The following ORC3 variants were observed in gnomAD, a reference collection of about 807,000 sequenced individuals.
The protein encoded by ORC3 is origin recognition complex subunit 3, also known as homolog of latheo, Drosophila.
In ORC3, 78 loss-of-function variants were observed where a neutral mutation model predicts 100.7. The observed-to-expected ratio is 0.77, with a 90% CI of 0.65 to 0.94. ORC3 has a LOEUF of 0.94. ORC3 is among the 40% of genes least tolerant of loss of function. The pLI, the probability that ORC3 is intolerant of heterozygous loss-of-function variation, is 0.00. For missense variants in ORC3, 789 were observed against 823.9 expected, an observed-to-expected ratio of 0.96 and a Z score of 0.52; for synonymous variants, 295 against 289.3, an observed-to-expected ratio of 1.02 and a Z score of -0.20.
chr6:87,606,861 G>T (rs1363290737), intron 5 of ORC3, among the ~76,000 whole-genome samples: 1 of 152,008 alleles, frequency 6.6e-6, no homozygotes, highest in East Asian at 1.9e-4. Flanking sequence ...CCCTAATGTG[G>T]TAAAATTTGT....
chr6:87,667,995 C>A (rs1466168387), downstream of ORC3, among the ~76,000 whole-genome samples: 1 of 152,110 alleles, frequency 6.6e-6, no homozygotes, highest in African/African-American at 2.4e-5. Context: ...GATGACCTGT[C>A]ATGGAGCCAG....
At chr6:87,621,308 A>G in intron 9 of ORC3, 46 bp from the exon 10 acceptor site, 2 of 1,404,736 alleles carry the variant, frequency 1.4e-6, no homozygotes. Context: ...CAATAGATTT[A>G]CTGCCAAAAT....
chr6:87,669,754 T>G (rs950629738), downstream of ORC3, among the ~76,000 whole-genome samples: 1 of 152,244 alleles, frequency 6.6e-6, no homozygotes, highest in African/African-American at 2.4e-5. Flanking sequence ...AAACAATGGT[T>G]GGTACAAATC....
At chr6:87,611,134 G>T (rs1189897026) in intron 7 of ORC3, among the ~76,000 whole-genome samples, 1 of 151,220 alleles carries the variant, frequency 6.6e-6, no homozygotes, top group African/African-American at 2.4e-5. Flanking sequence ...ATGGGGTTTT[G>T]CCGTGTTGCC....
At chr6:87,613,371 C>G (rs1304711936) in intron 8 of ORC3, among the ~76,000 whole-genome samples, 1 of 152,204 alleles carries the variant, frequency 6.6e-6, no homozygotes, top group Non-Finnish European at 1.5e-5. Flanking sequence ...CCCACCAGGT[C>G]CCTCCCATAG....
intron 12 of ORC3, among the ~76,000 whole-genome samples, chr6:87,635,848 C>T (rs114521731): frequency 2.0e-3 from 305 of 152,162 alleles, no homozygotes; most frequent in African/African-American, 7.1e-3. Flanking sequence ...TTAAATGAGC[C>T]TCTTTTTCTC....
chr6:87,676,000 C>G, the ORC3 span: 1 of 1,278,096 alleles, frequency 7.8e-7, no homozygotes, highest in South Asian at 1.3e-5. Context: ...ACTGAAAACA[C>G]AAAATATACA....
At chr6:87,642,929 A>C (rs1209331463) in intron 13 of ORC3, among the ~76,000 whole-genome samples, 1 of 115,200 alleles carries the variant, frequency 8.7e-6, no homozygotes, top group African/African-American at 3.8e-5. Context: ...AAAAAATAAA[A>C]ATAAAATGAA....
intron 13 of ORC3, among the ~76,000 whole-genome samples, chr6:87,647,184 C>T (rs1768863131): frequency 6.6e-6 from 1 of 152,162 alleles, no homozygotes. Flanking sequence ...GCTCAAAACC[C>T]TCCGTTAACT....
chr6:87,674,978 A>C, the ORC3 span: 1 of 147,342 alleles, frequency 6.8e-6, no homozygotes, highest in Non-Finnish European at 1.5e-5. Context: ...CAAGGGCAGT[A>C]AAACAATGAT....
Position 87,612,094 on chromosome 6 carries a change from A to T in ORC3, c.719A>T (p.His240Leu). 6.2e-7 allele frequency: 1 copy of T among 1,607,924 alleles called. No homozygotes were observed. Among genetic ancestry groups the T allele is most frequent in the East Asian group, 2.2e-5 (1 of 44,778 alleles). The change falls in exon 8 of 20, where the codon CAT becomes CTT. Residue 240 changes from histidine to leucine, a missense_variant. Around this residue, in one of 3 missense-constraint regions of ORC3, gnomAD observed 399 missense variants for 382.0 expected, o/e 1.04. Transcript: ENST00000392844. ...TGTCTGTCTTTCAAAACTAGTCAAC[A>T]TCTCCATGAATTTCCACTAATACTC... is the stretch of plus-strand genomic sequence containing the variant. ...LQDFIIISSQ[H>L]LHEFPLILIF...
chr6:87,601,411 T>C (rs1275294266), intron 2 of ORC3, among the ~76,000 whole-genome samples: 3 of 152,172 alleles, frequency 2.0e-5, no homozygotes, highest in East Asian at 1.9e-4. Context: ...TGGCTCACAC[T>C]TGTAATCCCA....
At chr6:87,653,308 C>T in intron 14 of ORC3, 59 bp downstream of exon 14, 1 of 1,513,878 alleles carries the variant, frequency 6.6e-7, no homozygotes, top group East Asian at 2.3e-5. Flanking sequence ...ACTAAAATGG[C>T]ATGGAAAACC....
At chr6:87,675,879 A>G in the ORC3 span, 17 of 1,613,768 alleles carry the variant, frequency 1.1e-5, no homozygotes, top group South Asian at 1.3e-4. Flanking sequence ...GCTGTTCTCC[A>G]TATCGTCGCA....
intron 16 of ORC3, 82 bp downstream of exon 16, chr6:87,658,100 A>G (rs541695395): frequency 2.8e-6 from 2 of 704,842 alleles, no homozygotes; most frequent in Admixed American, 2.3e-5. Context: ...TCTATAGCCA[A>G]TCCAGAACAT....
chr6:87,670,256 C>G (rs899285176), downstream of ORC3, among the ~76,000 whole-genome samples: 47 of 152,280 alleles, frequency 3.1e-4, 1 homozygote, highest in African/African-American at 1.1e-3. Context: ...ACCTCTGCCT[C>G]CTGGGTTCAA....
At chr6:87,639,995 A>T (rs761863684) in intron 13 of ORC3, among the ~76,000 whole-genome samples, 60 of 152,086 alleles carry the variant, frequency 3.9e-4, no homozygotes, top group Non-Finnish European at 7.4e-4. Flanking sequence ...ATTTCGTCTC[A>T]AAAATATACA....
chr6:87,636,028 T>C (rs1767795843), intron 12 of ORC3, among the ~76,000 whole-genome samples: 1 of 150,182 alleles, frequency 6.7e-6, no homozygotes, highest in Admixed American at 6.7e-5. Flanking sequence ...CACTGCAAGC[T>C]CCGCCTCCCA....
chr6:87,605,096 G>A (rs1419195205), intron 4 of ORC3, among the ~76,000 whole-genome samples: 1 of 152,086 alleles, frequency 6.6e-6, no homozygotes, highest in East Asian at 1.9e-4. Flanking sequence ...AACTGTATGC[G>A]GTGCCCTGAA....
Sources: gnomAD v4.1 joint callset for allele counts (sites outside exome capture counted in the v4.1 genomes callset) on GRCh38, gnomAD v4.1.1 for gene constraint, gnomAD v4.1.1 regional missense constraint, MANE v1.5 for transcripts, NCBI Gene and HGNC (gene_info 2026-07-23, HGNC 2026-07-21) for gene names.